Variants in MKLN1 observed in about 807,000 individuals in gnomAD.
MKLN1 encodes the protein muskelin.
In MKLN1, 18 loss-of-function variants were observed where a neutral mutation model predicts 99.0. The ratio of observed to expected loss-of-function variants is 0.18; its 90% CI spans 0.13 to 0.27. The LOEUF is 0.27. MKLN1 is among the 10% of genes least tolerant of loss of function. The probability of loss-of-function intolerance (pLI) is 1.00; values close to 1 mark genes in which losing one functional copy is unlikely to be tolerated. For missense variants in MKLN1, 621 were observed against 875.9 expected, an observed-to-expected ratio of 0.71 and a Z score of 3.67; for synonymous variants, 288 against 293.2, an observed-to-expected ratio of 0.98 and a Z score of 0.18.
intron 3 of MKLN1, among the ~76,000 whole-genome samples, chr7:131,290,278 C>A (rs1798197964): frequency 6.6e-6 from 1 of 152,200 alleles, no homozygotes; most frequent in African/African-American, 2.4e-5. Context: ...GCACTCCAAG[C>A]CTGGGCAACA....
At chr7:131,174,075 C>T (rs1356734759) in intron 2 of MKLN1, among the ~76,000 whole-genome samples, 1 of 151,224 alleles carries the variant, frequency 6.6e-6, no homozygotes, top group Non-Finnish European at 1.5e-5. Context: ...CGGGTTCACG[C>T]CATTCTCCCG....
rs1479022223 is a variant in MKLN1, at chr7:131,349,123, G to A, written c.98+21126G>A. Among the ~76,000 whole-genome samples, 3 of 152,036 alleles carry A rather than the reference G, an allele frequency of 2.0e-5. No individual in the cohort carries two copies. In the East Asian group the frequency reaches 5.8e-4, roughly 29 times the overall value. ...GAACTTGATATAATTAGATGATAAT[G>A]ATTATTTTAGTAAAATTAATTACAT... On this transcript the variant is annotated intron_variant, in intron 1 of 17. Coordinates refer to ENST00000352689, the MANE Select transcript of MKLN1 (RefSeq NM_013255.5).
intron 2 of MKLN1, among the ~76,000 whole-genome samples, chr7:131,185,920 T>C (rs531394601): frequency 4.6e-5 from 7 of 151,838 alleles, no homozygotes; most frequent in Middle Eastern, 3.4e-3. Context: ...GGGCCGGGGG[T>C]GGTGGTGCAG....
chr7:131,225,910 G>C (rs1033068929), intron 3 of MKLN1, among the ~76,000 whole-genome samples: 1 of 152,188 alleles, frequency 6.6e-6, no homozygotes, highest in Non-Finnish European at 1.5e-5. Context: ...AGAGGAGCTA[G>C]AGCAGTCAGC....
chr7:131,236,388 C>T (rs914952322), intron 3 of MKLN1, among the ~76,000 whole-genome samples: 6 of 152,070 alleles, frequency 3.9e-5, no homozygotes, highest in Non-Finnish European at 5.9e-5. Context: ...AGGCCAGGCA[C>T]GGTGGCTCAC....
At chr7:131,308,451 A>T (rs934023453) in intron 3 of MKLN1, among the ~76,000 whole-genome samples, 2 of 151,982 alleles carry the variant, frequency 1.3e-5, no homozygotes, top group African/African-American at 4.8e-5. Flanking sequence ...TGGTAGAGAC[A>T]GGGTTTCACC....
chr7:131,334,258 C>A (rs967621214), intron 1 of MKLN1, among the ~76,000 whole-genome samples: 41 of 152,158 alleles, frequency 2.7e-4, no homozygotes, highest in African/African-American at 9.7e-4. Context: ...TGGAGGCATG[C>A]AACTCCCAGG....
chr7:131,407,790 G>A (rs549501310), intron 6 of MKLN1, among the ~76,000 whole-genome samples: 1 of 150,326 alleles, frequency 6.7e-6, no homozygotes, highest in Non-Finnish European at 1.5e-5. Flanking sequence ...CAGTTCCAGT[G>A]CATTCTTCAA....
intron 2 of MKLN1, among the ~76,000 whole-genome samples, chr7:131,173,180 A>G (rs1485868333): frequency 1.3e-5 from 2 of 151,294 alleles, no homozygotes; most frequent in Non-Finnish European, 2.9e-5. Context: ...CATACAACAG[A>G]CATAATAAAG....
rs142114600 is a variant in MKLN1, at chr7:131,458,950, A to G, written c.1526-4267A>G. On this transcript the variant is annotated intron_variant, in intron 12 of 17. Coordinates refer to ENST00000352689, the MANE Select transcript of MKLN1 (RefSeq NM_013255.5). ...TTAAGAGTCATGGTTTGACACTCCT[A>G]TAATAAAAGACAGGTTAACAAAAGA... Among the ~76,000 whole-genome samples the G allele has an allele frequency of 7.2e-5, 11 of 152,338 alleles. No homozygotes were observed. The East Asian group carries it at 1.5e-3, about 21-fold the overall frequency.
At chr7:131,354,185 G>T (rs952261957) in intron 1 of MKLN1, among the ~76,000 whole-genome samples, 8 of 152,026 alleles carry the variant, frequency 5.3e-5, no homozygotes, top group Non-Finnish European at 1.0e-4. Flanking sequence ...ATTTTGATAG[G>T]AATTACATTA....
intron 3 of MKLN1, among the ~76,000 whole-genome samples, chr7:131,230,112 G>T (rs1205125574): frequency 4.6e-5 from 7 of 152,150 alleles, no homozygotes; most frequent in Admixed American, 4.6e-4. Context: ...GGTTTGTAGG[G>T]TGTGACTTAA....
chr7:131,394,759 TTCA>T (rs1316025978), intron 4 of MKLN1, among the ~76,000 whole-genome samples: 1 of 152,054 alleles, frequency 6.6e-6, no homozygotes, highest in East Asian at 1.9e-4. Flanking sequence ...ATTTTGATGC[TTCA>T]TCAAAACTCT....
At position 131,496,108 on chromosome 7, in the gene MKLN1, C is replaced by T. The variant is rs145884614; in HGVS notation, c.*8380C>T. The T allele has an allele frequency of 6.6e-6, 1 of 152,146 alleles. No homozygotes were observed. Among genetic ancestry groups the T allele is most frequent in the East Asian group, 1.9e-4 (1 of 5,190 alleles). 9.4% of individuals were successfully genotyped at this position (152,146 alleles called of 1,614,324 possible). A position where few individuals can be genotyped will look rare whatever the true frequency, so the allele number is the denominator to read the frequency against. ...CTGTGCACATTAGCTGAGATTCACA[C>T]ATTTTGCACCTCAGTAGTATTTCAG... On this transcript the variant is annotated 3_prime_UTR_variant, in exon 18 of 18. Coordinates refer to ENST00000352689, the MANE Select transcript of MKLN1 (RefSeq NM_013255.5).
At chr7:131,296,957 T>C (rs1251914184) in intron 3 of MKLN1, among the ~76,000 whole-genome samples, 1 of 152,156 alleles carries the variant, frequency 6.6e-6, no homozygotes, top group Non-Finnish European at 1.5e-5. Flanking sequence ...CAGGCTGATC[T>C]GGAACTCATG....
chr7:131,218,323 C>A (rs1797013869), intron 3 of MKLN1, among the ~76,000 whole-genome samples: 1 of 152,154 alleles, frequency 6.6e-6, no homozygotes, highest in Non-Finnish European at 1.5e-5. Flanking sequence ...AAAACAATGA[C>A]TGATTAGAGT....
At chr7:131,138,466 C>A (rs956478341) in intron 1 of MKLN1, among the ~76,000 whole-genome samples, 5 of 152,078 alleles carry the variant, frequency 3.3e-5, no homozygotes, top group African/African-American at 1.2e-4. Flanking sequence ...CTCTTTCATG[C>A]ATAATTTGTA....
At chr7:131,364,944 T>C (rs975607933) in intron 1 of MKLN1, among the ~76,000 whole-genome samples, 3 of 152,200 alleles carry the variant, frequency 2.0e-5, no homozygotes, top group African/African-American at 7.2e-5. Flanking sequence ...TACGGTACTT[T>C]ACGGTAAAAT....
chr7:131,201,675 C>T (rs533145444), intron 2 of MKLN1, among the ~76,000 whole-genome samples: 1 of 152,330 alleles, frequency 6.6e-6, no homozygotes, highest in South Asian at 2.1e-4. Flanking sequence ...GCAAATTTCA[C>T]ATAATGCTAT....
Sources: allele counts gnomAD v4.1 joint callset (sites outside exome capture counted in the v4.1 genomes callset), GRCh38; gene constraint gnomAD v4.1.1; transcripts MANE v1.5; gene names NCBI Gene and HGNC (gene_info 2026-07-23, HGNC 2026-07-21).